The following FANCC variants were observed in gnomAD, a reference collection of about 807,000 sequenced individuals.
The protein encoded by FANCC is Fanconi anemia group C protein.
Under a neutral mutation model 71.3 loss-of-function variants are expected in FANCC, and 55 were observed. That is an observed-to-expected ratio of 0.77 (90% confidence interval 0.62 to 0.97). The LOEUF is 0.97. FANCC is among the 50% of genes least tolerant of loss of function. The pLI is 0.00. For synonymous variants in FANCC, 275 were observed against 244.9 expected (o/e 1.12, Z -1.15); for missense variants, 678 against 670.9 (o/e 1.01, Z -0.12).
At chr9:95,229,904 GA>G (rs1215218115) in intron 4 of FANCC, among the ~76,000 whole-genome samples, 2 of 151,824 alleles carry the variant, frequency 1.3e-5, no homozygotes, top group African/African-American at 2.4e-5. Flanking sequence ...AAAGAGAAGG[GA>G]AAAAATTCTG....
At chr9:95,157,470 G>A (rs1310746758) in intron 6 of FANCC, among the ~76,000 whole-genome samples, 3 of 152,088 alleles carry the variant, frequency 2.0e-5, no homozygotes, top group South Asian at 2.1e-4. Flanking sequence ...TCTGAGCATC[G>A]TCAGCTTATC....
At chr9:95,220,244 A>C (rs1283641626) in intron 4 of FANCC, among the ~76,000 whole-genome samples, 1 of 152,234 alleles carries the variant, frequency 6.6e-6, no homozygotes, top group African/African-American at 2.4e-5. Context: ...ATGTGGAGAA[A>C]TAGGAACACT....
At chr9:95,197,110 T>C (rs1827502837) in intron 4 of FANCC, among the ~76,000 whole-genome samples, 2 of 152,208 alleles carry the variant, frequency 1.3e-5, no homozygotes, top group Admixed American at 1.3e-4. Flanking sequence ...CTATCCTGAG[T>C]ACCTGATGAA....
chr9:95,317,310 T>TCCCGCCTCCCACCTC (rs1259856075), intron 1 of FANCC: 1 of 148,696 alleles, frequency 6.7e-6, no homozygotes, highest in Non-Finnish European at 1.5e-5. Flanking sequence ...CCCGCCACCT[T>TCCCGCCTCCCACCTC]CCGCCTCCCG....
At chr9:95,144,850 G>A (rs891986129) in intron 7 of FANCC, among the ~76,000 whole-genome samples, 1 of 152,160 alleles carries the variant, frequency 6.6e-6, no homozygotes, top group South Asian at 2.1e-4. Context: ...AGAATCGAGC[G>A]CCGCGCCGCA....
chr9:95,162,521 G>A (rs911924272), intron 6 of FANCC, among the ~76,000 whole-genome samples: 1 of 152,114 alleles, frequency 6.6e-6, no homozygotes, highest in Admixed American at 6.5e-5. Context: ...ATTTTTTAAG[G>A]AAACTCCATA....
At chr9:95,223,189 G>A (rs1310226527) in intron 4 of FANCC, among the ~76,000 whole-genome samples, 1 of 152,160 alleles carries the variant, frequency 6.6e-6, no homozygotes, top group Non-Finnish European at 1.5e-5. Context: ...CAAGTTGAGT[G>A]GCTTAAACCA....
At chr9:95,204,710 C>T (rs1220212710) in intron 4 of FANCC, among the ~76,000 whole-genome samples, 1 of 152,190 alleles carries the variant, frequency 6.6e-6, no homozygotes, top group African/African-American at 2.4e-5. Flanking sequence ...CTTACCCCTA[C>T]TCCATCTAAA....
intron 13 of FANCC, among the ~76,000 whole-genome samples, chr9:95,108,015 C>T (rs1374942559): frequency 3.3e-5 from 5 of 152,182 alleles, no homozygotes; most frequent in East Asian, 3.8e-4. Context: ...AAGCAAAAAC[C>T]GAAAGCCCAT....
chr9:95,190,487 A>C (rs1827019849), intron 4 of FANCC, among the ~76,000 whole-genome samples: 1 of 152,200 alleles, frequency 6.6e-6, no homozygotes, highest in African/African-American at 2.4e-5. Flanking sequence ...TGCAACTCAC[A>C]TTCATTCTTC....
intron 1 of FANCC, among the ~76,000 whole-genome samples, chr9:95,271,471 G>A (rs1038626153): frequency 6.6e-6 from 1 of 152,152 alleles, no homozygotes; most frequent in African/African-American, 2.4e-5. Context: ...AGATTGGAGG[G>A]ATGCGGCCAC....
chr9:95,172,577 C>G (rs909067810), intron 4 of FANCC, among the ~76,000 whole-genome samples: 1 of 151,762 alleles, frequency 6.6e-6, no homozygotes, highest in Non-Finnish European at 1.5e-5. Context: ...CCAATCATCA[C>G]GCTCATGAAC....
chr9:95,294,529 A>G (rs746987561), intron 1 of FANCC: 8 of 1,551,122 alleles, frequency 5.2e-6, no homozygotes, highest in Admixed American at 3.3e-5. Context: ...CAGCTTTTCC[A>G]TGAGTACTGA....
intron 1 of FANCC, among the ~76,000 whole-genome samples, chr9:95,268,775 T>G (rs1832547200): frequency 6.6e-6 from 1 of 152,118 alleles, no homozygotes; most frequent in Admixed American, 6.5e-5. Flanking sequence ...GTAAAGACCT[T>G]AATTCACCCC....
rs531401634 is a variant in FANCC at position 95,111,234 on chromosome 9, G to A, written c.1329+229C>T. 103 of 1,537,530 alleles carry A rather than the reference G, an allele frequency of 6.7e-5. 1 individual carries two copies. The South Asian group carries it at 1.2e-3, about 18-fold the overall frequency. On this transcript the variant is annotated intron_variant, in intron 13 of 14. Coordinates refer to ENST00000289081, the MANE Select transcript of FANCC (RefSeq NM_000136.3). ...GGGAAGAAGGGTCTTCGTTTTGCAG[G>A]AGAATGGGCTGGCAGCGTCTCGTCT...
At chr9:95,163,919 T>A (rs1830907155) in intron 6 of FANCC, among the ~76,000 whole-genome samples, 1 of 152,050 alleles carries the variant, frequency 6.6e-6, no homozygotes, top group Admixed American at 6.5e-5. Context: ...GATATCTTTT[T>A]ATTTATTTAT....
chr9:95,105,101 A>G (rs1293433605), intron 14 of FANCC, among the ~76,000 whole-genome samples: 2 of 152,250 alleles, frequency 1.3e-5, no homozygotes, highest in African/African-American at 4.8e-5. Flanking sequence ...GGCATGTGGC[A>G]GCCAGTCGTC....
At chr9:95,210,917 A>C (rs1287284175) in intron 4 of FANCC, among the ~76,000 whole-genome samples, 1 of 152,200 alleles carries the variant, frequency 6.6e-6, no homozygotes, top group Non-Finnish European at 1.5e-5. Flanking sequence ...AACCTGAAAA[A>C]TGTTAATTTT....
At chr9:95,190,407 T>C (rs356672) in intron 4 of FANCC, among the ~76,000 whole-genome samples, 7,312 of 152,276 alleles carry the variant, frequency 0.048, 259 homozygotes, top group South Asian at 0.079. Flanking sequence ...TTCTAATTAC[T>C]CCTCATCTCT....
Sources: gnomAD v4.1 joint callset for allele counts (sites outside exome capture counted in the v4.1 genomes callset) on GRCh38, gnomAD v4.1.1 for gene constraint, MANE v1.5 for transcripts, NCBI Gene and HGNC (gene_info 2026-07-23, HGNC 2026-07-21) for gene names.